The following KIAA0319L variants were observed in gnomAD, a reference collection of about 807,000 sequenced individuals.
KIAA0319L encodes the protein dyslexia-associated protein KIAA0319-like protein.
In KIAA0319L, 55 loss-of-function variants were observed where a neutral mutation model predicts 120.1. That is an observed-to-expected ratio of 0.46 (90% CI 0.37 to 0.57). The LOEUF (loss-of-function observed/expected upper bound fraction) is 0.57. Ranked by LOEUF, KIAA0319L falls within the 20% of genes least tolerant of loss-of-function variation. The probability of loss-of-function intolerance (pLI) is 0.00; values close to 1 mark genes in which losing one functional copy is unlikely to be tolerated. For missense variants in KIAA0319L, 1,049 were observed against 1,255.3 expected (o/e 0.84, Z 2.48); for synonymous variants, 398 against 471.9 (o/e 0.84, Z 2.03).
rs1645203017 is a variant in KIAA0319L at position 35,506,345 on chromosome 1, G to A, written c.666+267C>T. Among the ~76,000 whole-genome samples the A allele has an allele frequency of 6.6e-6, 1 of 152,202 alleles. No homozygotes were observed. The highest frequency in any genetic ancestry group is 1.5e-5 in the Non-Finnish European group (1 of 68,020). Reference sequence around the variant, plus strand: ...AACAGCCATACAACTGTACTTACCTGTAGCCAAGAACCAGCTTAGACTAGA... The same window carrying A: ...AACAGCCATACAACTGTACTTACCTATAGCCAAGAACCAGCTTAGACTAGA... On this transcript the variant is annotated intron_variant, in intron 3 of 20. Coordinates refer to ENST00000325722, the MANE Select transcript of KIAA0319L (RefSeq NM_024874.5). This position sits in a 1 kb window ranked among gnomAD's most constrained non-coding sequence, Gnocchi z 4.0.
chr1:35,552,305 C>CCACTGCA (rs1647276947), intron 2 of KIAA0319L, among the ~76,000 whole-genome samples: 1 of 152,100 alleles, frequency 6.6e-6, no homozygotes. Context: ...TCGCACTGCG[C>CCACTGCA]CACTGCACTC....
At chr1:35,538,425 T>G (rs996993811) in intron 2 of KIAA0319L, among the ~76,000 whole-genome samples, 1 of 151,754 alleles carries the variant, frequency 6.6e-6, no homozygotes, top group Non-Finnish European at 1.5e-5. Context: ...ACCCCATCTC[T>G]ACTATAAATA....
chr1:35,466,936 A>G (rs1003536651), intron 6 of KIAA0319L, among the ~76,000 whole-genome samples: 6 of 152,102 alleles, frequency 3.9e-5, no homozygotes, highest in African/African-American at 1.4e-4. Context: ...TACCAAAAAT[A>G]CAAAAATTAG....
At chr1:35,458,634 G>C (rs2149102587) in intron 9 of KIAA0319L, among the ~76,000 whole-genome samples, 1 of 152,294 alleles carries the variant, frequency 6.6e-6, no homozygotes, top group Non-Finnish European at 1.5e-5. Flanking sequence ...AACTCTTTGT[G>C]CCAAAATTTC....
chr1:35,488,648 G>A (rs931532615), intron 3 of KIAA0319L, among the ~76,000 whole-genome samples: 1 of 152,162 alleles, frequency 6.6e-6, no homozygotes, highest in African/African-American at 2.4e-5. Flanking sequence ...GAATACAAAG[G>A]CTGTAAGCTG....
intron 16 of KIAA0319L, among the ~76,000 whole-genome samples, chr1:35,445,257 A>T (rs573543588): frequency 6.6e-6 from 1 of 152,338 alleles, no homozygotes; most frequent in Admixed American, 6.5e-5. Context: ...CAGACTTTCT[A>T]AAAGCTTGCT....
At chr1:35,473,617 A>G (rs1643773200) in intron 5 of KIAA0319L, among the ~76,000 whole-genome samples, 1 of 152,226 alleles carries the variant, frequency 6.6e-6, no homozygotes, top group Admixed American at 6.5e-5. Flanking sequence ...CACCAGAGGA[A>G]GAAAGGAAAA....
At chr1:35,527,560 T>C (rs1447912030) in intron 2 of KIAA0319L, among the ~76,000 whole-genome samples, 1 of 152,196 alleles carries the variant, frequency 6.6e-6, no homozygotes, top group African/African-American at 2.4e-5. Context: ...GACTTTTTAT[T>C]ATTGATTCAA....
intron 3 of KIAA0319L, among the ~76,000 whole-genome samples, chr1:35,505,674 T>C (rs931473534): frequency 6.6e-6 from 1 of 152,208 alleles, no homozygotes; most frequent in African/African-American, 2.4e-5. Context: ...AAATCTAGGA[T>C]TGTTCTCTAA....
intron 3 of KIAA0319L, among the ~76,000 whole-genome samples, chr1:35,482,969 G>A (rs10157720): frequency 0.017 from 2,514 of 152,180 alleles, 68 homozygotes; most frequent in African/African-American, 0.057. Context: ...ATCTCACTGT[G>A]GTTGTAATTT....
chr1:35,513,288 A>ATTTTTTTTT (rs67198806), intron 2 of KIAA0319L, among the ~76,000 whole-genome samples: 2 of 85,338 alleles, frequency 2.3e-5, no homozygotes, highest in African/African-American at 8.5e-5. Flanking sequence ...ATATATATAT[A>ATTTTTTTTT]TTTTTTTTTT....
At chr1:35,466,504 A>T (rs1322070485) in intron 7 of KIAA0319L, 104 bp downstream of exon 7, 13 of 735,788 alleles carry the variant, frequency 1.8e-5, no homozygotes, top group Non-Finnish European at 6.9e-6. Flanking sequence ...CTGAATAAAT[A>T]CATTACAAAA....
At chr1:35,520,415 A>T (rs1645865533) in intron 2 of KIAA0319L, among the ~76,000 whole-genome samples, 1 of 152,048 alleles carries the variant, frequency 6.6e-6, no homozygotes, top group East Asian at 1.9e-4. Context: ...TTTCTTTAAG[A>T]CAGGGTCTCA....
intron 2 of KIAA0319L, among the ~76,000 whole-genome samples, chr1:35,535,478 A>C (rs2148479318): frequency 6.6e-6 from 1 of 152,292 alleles, no homozygotes; most frequent in East Asian, 1.9e-4. Context: ...CCTGCATTTG[A>C]ATCTCAACCC....
chr1:35,447,859 G>C (rs994481027), intron 16 of KIAA0319L, among the ~76,000 whole-genome samples: 1 of 152,022 alleles, frequency 6.6e-6, no homozygotes, highest in African/African-American at 2.4e-5. Flanking sequence ...CATTGTCCTT[G>C]CCACAGTGTT....
intron 2 of KIAA0319L, among the ~76,000 whole-genome samples, chr1:35,528,739 G>C (rs1226139822): frequency 6.6e-6 from 1 of 152,122 alleles, no homozygotes; most frequent in African/African-American, 2.4e-5. Flanking sequence ...TTGTATTAGA[G>C]TCTACCTCTC....
Position 35,442,920 on chromosome 1 carries a change from C to T in KIAA0319L, c.2765G>A (p.Gly922Glu), listed in dbSNP as rs1243454769. The change falls in exon 18 of 21, where the codon GGA becomes GAA. Residue 922 changes from glycine to glutamate, a missense_variant. Gly to Glu is a moderately conservative substitution (Grantham distance 98, BLOSUM62 -2). Coordinates refer to ENST00000325722, the MANE Select transcript of KIAA0319L (RefSeq NM_024874.5). Reference sequence around the variant, plus strand: ...AGAAAACTCACCACAGTTGCTGTCTCCATCCCTCAGCTGCACCTTGATGAA... The same window carrying T: ...AGAAAACTCACCACAGTTGCTGTCTTCATCCCTCAGCTGCACCTTGATGAA... ...ENFIKVQLRD[G>E]DSNCEWSVLY... The T allele has an allele frequency of 6.2e-7, 1 of 1,614,236 alleles. No individual in the cohort carries two copies. Among genetic ancestry groups the T allele is most frequent in the Non-Finnish European group, 8.5e-7 (1 of 1,180,028 alleles).
Position 35,448,321 on chromosome 1 carries a change from T to C in KIAA0319L, c.2365A>G (p.Asn789Asp). The change falls in exon 16 of 21, where the codon AAC becomes GAC. Residue 789 changes from asparagine to aspartate, a missense_variant. By Grantham distance (23) the Asn-to-Asp change is conservative (BLOSUM62 1). Coordinates refer to ENST00000325722, the MANE Select transcript of KIAA0319L (RefSeq NM_024874.5). ...TVEVKPDPRK[N>D]NLVEIILDIN... ...TCCAAGATGATCTCCACCAGGTTGTTTTTCCTGGGATCTGGAAAGCATGTG... is the reference window on the plus strand; with the variant it reads ...TCCAAGATGATCTCCACCAGGTTGTCTTTCCTGGGATCTGGAAAGCATGTG... 2 of 1,613,882 alleles carry C rather than the reference T, an allele frequency of 1.2e-6. No individual in the cohort carries two copies. Among genetic ancestry groups the C allele is most frequent in the Non-Finnish European group, 1.7e-6 (2 of 1,179,826 alleles).
At chr1:35,498,594 C>T (rs1041941019) in intron 3 of KIAA0319L, among the ~76,000 whole-genome samples, 8 of 152,114 alleles carry the variant, frequency 5.3e-5, no homozygotes, top group Non-Finnish European at 7.4e-5. Flanking sequence ...CACTCTGAGG[C>T]TACCCTCTCC....
Sources: gnomAD v4.1 joint callset for allele counts (sites outside exome capture counted in the v4.1 genomes callset) on GRCh38, gnomAD v4.1.1 for gene constraint, Gnocchi (gnomAD v3.1) non-coding constraint, MANE v1.5 for transcripts, NCBI Gene and HGNC (gene_info 2026-07-23, HGNC 2026-07-21) for gene names.